The following WNT5B variants were observed in gnomAD, a reference collection of about 807,000 sequenced individuals.
WNT5B encodes protein Wnt-5b.
In WNT5B, 18 loss-of-function variants were observed where a neutral mutation model predicts 36.5. The observed-to-expected ratio is 0.49, with a 90% CI of 0.34 to 0.73. WNT5B has a LOEUF of 0.73. Among genes scored for constraint, WNT5B ranks in the 30% least tolerant of loss-of-function variants. The pLI is 0.01. For synonymous variants in WNT5B, 213 were observed against 212.3 expected (o/e 1.00, Z -0.03); for missense variants, 424 against 508.4 (o/e 0.83, Z 1.60).
chr12:1,636,681 CAGGCA>C (rs1342482177), intron 3 of WNT5B, among the ~76,000 whole-genome samples: 1 of 151,422 alleles, frequency 6.6e-6, no homozygotes, highest in African/African-American at 2.4e-5. Context: ...GCTGGGACTA[CAGGCA>C]CATGCTACCA....
rs967788114 is a variant in WNT5B, at chr12:1,630,410, T to C, written c.-57-888T>C. Among the ~76,000 whole-genome samples the C allele has an allele frequency of 8.0e-5, 12 of 150,612 alleles. No homozygotes were observed. Among genetic ancestry groups the C allele is most frequent in the African/African-American group, 2.7e-4 (11 of 40,812 alleles). On this transcript the variant is annotated intron_variant, in intron 1 of 4. Coordinates refer to ENST00000397196, the MANE Select transcript of WNT5B (RefSeq NM_032642.3). The surrounding 1 kb of genome is among the most constrained non-coding windows in gnomAD (Gnocchi z 5.3). ...TCGGGGGCGGATAGAGGAACAGGCGTGGGTTACAGCAGGCAGGAGGCCAAG... is the reference window on the plus strand; with the variant it reads ...TCGGGGGCGGATAGAGGAACAGGCGCGGGTTACAGCAGGCAGGAGGCCAAG...
chr12:1,617,824 A>T (rs1442408783), intron 1 of WNT5B, among the ~76,000 whole-genome samples: 1 of 152,020 alleles, frequency 6.6e-6, no homozygotes, highest in Non-Finnish European at 1.5e-5. Flanking sequence ...TATTCCAAAG[A>T]TTTGTAAACA....
rs1284496317 is a variant in WNT5B, at chr12:1,633,160, A to C, written c.328+255A>C. Reference sequence around the variant, plus strand: ...ACTTGGGGCAGGTTGCTTGGGACTCACTGAGAGGGGGCAGGTTGCTTGGGA... The same window carrying C: ...ACTTGGGGCAGGTTGCTTGGGACTCCCTGAGAGGGGGCAGGTTGCTTGGGA... On this transcript the variant is annotated intron_variant, in intron 3 of 4. Coordinates refer to ENST00000397196, the MANE Select transcript of WNT5B (RefSeq NM_032642.3). This position sits in a 1 kb window ranked among gnomAD's most constrained non-coding sequence, Gnocchi z 4.8. Among the ~76,000 whole-genome samples, 1 of 151,906 alleles carries C rather than the reference A, an allele frequency of 6.6e-6. No individual in the cohort carries two copies.
chr12:1,624,333 TGAG>T, upstream of WNT5B, among the ~76,000 whole-genome samples: 1 of 136,084 alleles, frequency 7.3e-6, no homozygotes, highest in Admixed American at 8.6e-5. Flanking sequence ...TGCAGTGAGC[TGAG>T]ATCATGCCAC....
At position 1,647,129 on chromosome 12, in the gene WNT5B, C is replaced by T. The variant is rs776049733; in HGVS notation, c.*877C>T. 23 of 152,286 alleles carry T rather than the reference C, an allele frequency of 1.5e-4. No individual in the cohort carries two copies. The highest frequency in any genetic ancestry group is 2.6e-4 in the Non-Finnish European group (18 of 68,142). 9.4% of individuals were successfully genotyped at this position (152,286 alleles called of 1,614,324 possible). On this transcript the variant is annotated 3_prime_UTR_variant, in exon 5 of 5. Transcript: ENST00000397196. ...CCTCACAAACCACAGGACGCTGCAA[C>T]GGGTCAGGCTGGCGGGCCCGGCGTG...
In WNT5B at chr12:1,618,222, A is replaced by C. The variant is rs2094529496; in HGVS notation, c.-58+1079A>C. ...CATGGTTTCCCCAGGTCCTTTAAAA[A>C]TACGCTCCATTTTGCAAACACAGTA... On this transcript the variant is annotated intron_variant, in intron 1 of 4. Coordinates refer to the WNT5B transcript ENST00000310594. This position sits in a 1 kb window ranked among gnomAD's most constrained non-coding sequence, Gnocchi z 4.1. Among the ~76,000 whole-genome samples, 1 of 152,326 alleles carries C rather than the reference A, an allele frequency of 6.6e-6. No individual in the cohort carries two copies. Among genetic ancestry groups the C allele is most frequent in the South Asian group, 2.1e-4 (1 of 4,828 alleles).
intron 3 of WNT5B, among the ~76,000 whole-genome samples, chr12:1,634,277 G>A (rs775332758): frequency 6.6e-6 from 1 of 152,168 alleles, no homozygotes; most frequent in Non-Finnish European, 1.5e-5. Context: ...TCTTTCTGGC[G>A]AAAATCTTGG....
intron 3 of WNT5B, among the ~76,000 whole-genome samples, chr12:1,637,497 G>A (rs568612977): frequency 5.9e-5 from 9 of 152,008 alleles, no homozygotes; most frequent in African/African-American, 2.2e-4. Context: ...CAGCACTTTG[G>A]GAGGCCCAGG....
At chr12:1,645,608 G>A (rs948439411) in intron 4 of WNT5B, among the ~76,000 whole-genome samples, 186 bp from the exon 5 acceptor site, 1 of 152,186 alleles carries the variant, frequency 6.6e-6, no homozygotes, top group African/African-American at 2.4e-5. Flanking sequence ...TTTCTGTGGT[G>A]CCTCTTTTAT....
chr12:1,646,078 C>T lies in WNT5B; in HGVS notation c.906C>T (p.Arg302=). ...ESTGSLGTQG[R]LCNKTSEGMD... is the part of the protein sequence containing the mutation. ...CGGGCTCCCTGGGCACGCAGGGCCG[C>T]CTCTGCAACAAGACCTCGGAGGGCA... The change falls in exon 5 of 5, where the codon CGC becomes CGT. Residue 302 remains arginine, a synonymous_variant. Coordinates refer to ENST00000397196, the MANE Select transcript of WNT5B (RefSeq NM_032642.3). 3 of 1,613,934 alleles carry T rather than the reference C, an allele frequency of 1.9e-6. No individual in the cohort carries two copies. Among genetic ancestry groups the T allele is most frequent in the Non-Finnish European group, 2.5e-6 (3 of 1,180,042 alleles).
chr12:1,634,716 T>TCCCTATCTTGAGAAGGAC lies in WNT5B; in HGVS notation c.328+1813_328+1830dup, dbSNP rs371744830. Among the ~76,000 whole-genome samples the TCCCTATCTTGAGAAGGAC allele has an allele frequency of 4.0e-4, 61 of 152,256 alleles. 1 individual carries two copies. The highest frequency in any genetic ancestry group is 1.4e-3 in the African/African-American group (59 of 41,554). On this transcript the variant is annotated intron_variant, in intron 3 of 4. Transcript: ENST00000397196. ...AGTAGCTCCTGGTGAGTCCTCCCTC[T>TCCCTATCTTGAGAAGGAC]CCCTATCTTGAGAAGGACCGTCTAA...
chr12:1,638,668 G>A (rs1237731013), intron 3 of WNT5B, among the ~76,000 whole-genome samples: 2 of 152,234 alleles, frequency 1.3e-5, no homozygotes, highest in Non-Finnish European at 2.9e-5. Context: ...ATTTTCTGCT[G>A]GAAAATGATC....
chr12:1,640,470 GACAA>G (rs1243820622), intron 4 of WNT5B, among the ~76,000 whole-genome samples: 1 of 152,214 alleles, frequency 6.6e-6, no homozygotes, highest in East Asian at 1.9e-4. Context: ...AAATACTAAT[GACAA>G]ACACACTTCT....
chr12:1,626,836 G>A (rs34367212), upstream of WNT5B, among the ~76,000 whole-genome samples: 16,532 of 151,912 alleles, frequency 0.11, 1,090 homozygotes, highest in African/African-American at 0.19. Context: ...AAGTGCTGGG[G>A]TTACAGTTGT....
chr12:1,636,386 G>A (rs1460603381), intron 3 of WNT5B, among the ~76,000 whole-genome samples: 1 of 150,762 alleles, frequency 6.6e-6, no homozygotes, highest in East Asian at 1.9e-4. Flanking sequence ...TGTCTCCATG[G>A]ATTTGCCTAT....
intron 1 of WNT5B, 23 bp from the exon 2 acceptor site, chr12:1,631,275 C>T: frequency 6.3e-7 from 1 of 1,582,856 alleles, no homozygotes; most frequent in Non-Finnish European, 8.6e-7. Flanking sequence ...TCCACACTGA[C>T]TCTCCATTTC....
intron 1 of WNT5B, 115 bp from the exon 2 acceptor site, chr12:1,631,183 G>GT: frequency 1.1e-6 from 1 of 931,816 alleles, no homozygotes; most frequent in Non-Finnish European, 1.5e-6. Flanking sequence ...GAGCTTCTTT[G>GT]TGGGGAACAC....
intron 3 of WNT5B, among the ~76,000 whole-genome samples, chr12:1,634,953 T>A (rs1413936973): frequency 6.6e-6 from 1 of 152,230 alleles, no homozygotes; most frequent in Non-Finnish European, 1.5e-5. Context: ...TGCTTTTTTT[T>A]AGCCGTTTAT....
chr12:1,628,396 G>C (rs1219568259), upstream of WNT5B, among the ~76,000 whole-genome samples: 2 of 152,138 alleles, frequency 1.3e-5, no homozygotes, highest in Admixed American at 6.5e-5. Context: ...GACCTCAGGT[G>C]ATCTGCCCAC....
Sources: gnomAD v4.1 joint callset for allele counts (sites outside exome capture counted in the v4.1 genomes callset) on GRCh38, gnomAD v4.1.1 for gene constraint, Gnocchi (gnomAD v3.1) non-coding constraint, MANE v1.5 for transcripts, NCBI Gene and HGNC (gene_info 2026-07-23, HGNC 2026-07-21) for gene names.